Variants in ADAM2 observed in about 807,000 individuals in gnomAD.
The protein encoded by ADAM2 is ADAM metallopeptidase domain 2.
Under a neutral mutation model 99.3 loss-of-function variants are expected in ADAM2, and 101 were observed. That is an observed-to-expected ratio of 1.02 (90% CI 0.87 to 1.20). The LOEUF (loss-of-function observed/expected upper bound fraction) is 1.20, where lower values mean the gene tolerates loss of function less well. Among genes scored for constraint, ADAM2 ranks in the 50% most tolerant of loss-of-function variants. The pLI is 0.00. For synonymous variants in ADAM2, 323 were observed against 287.6 expected, an observed-to-expected ratio of 1.12 and a Z score of -1.25; for missense variants, 948 against 878.7, an observed-to-expected ratio of 1.08 and a Z score of -1.00.
chr8:39,777,203 T>G, intron 10 of ADAM2, 42 bp from the exon 11 acceptor site: 1 of 1,530,312 alleles, frequency 6.5e-7, no homozygotes, highest in Non-Finnish European at 8.9e-7. Context: ...GGAGATTATT[T>G]TGTTTACTGG....
At chr8:39,786,877 A>G (rs1803485711) in intron 10 of ADAM2, 97 bp downstream of exon 10, 1 of 892,086 alleles carries the variant, frequency 1.1e-6, no homozygotes, top group South Asian at 1.9e-5. Flanking sequence ...GATGCTTAGA[A>G]CAATGCAAAT....
intron 7 of ADAM2, among the ~76,000 whole-genome samples, chr8:39,797,289 C>A (rs1804001917): frequency 6.6e-6 from 1 of 152,196 alleles, no homozygotes; most frequent in Non-Finnish European, 1.5e-5. Flanking sequence ...TTCCCAGCAC[C>A]ATTTACTGAA....
chr8:39,768,989 A>C (rs1030277213), intron 12 of ADAM2, among the ~76,000 whole-genome samples: 2 of 152,214 alleles, frequency 1.3e-5, no homozygotes, highest in African/African-American at 4.8e-5. Flanking sequence ...ATTTTTGAAA[A>C]GCAAAAGAAA....
chr8:39,836,168 A>G (rs948568568), intron 2 of ADAM2, among the ~76,000 whole-genome samples: 6 of 152,100 alleles, frequency 3.9e-5, no homozygotes, highest in African/African-American at 1.4e-4. Flanking sequence ...CAAAATAGAC[A>G]ATTTTTTCCT....
chr8:39,769,936 TTTTTTTC>T (rs1802714623), intron 11 of ADAM2, among the ~76,000 whole-genome samples: 2 of 135,954 alleles, frequency 1.5e-5, no homozygotes, highest in African/African-American at 5.4e-5. Flanking sequence ...AGGCTTTTCT[TTTTTTTC>T]TTTTTTCTTT....
chr8:39,766,907 A>G lies in ADAM2; in HGVS notation c.1448T>C (p.Ile483Thr). ...ACTCATACAAACTCCATCTATACAG[A>G]TCCATTGATTCAGTCCACACGGATG... Reference protein sequence around the residue: ...TGHPCGLNQWICIDGVCMSGD... With the variant: ...TGHPCGLNQWTCIDGVCMSGD... The change falls in exon 14 of 21, where the codon ATC becomes ACC. Residue 483 changes from isoleucine to threonine, a missense_variant. Coordinates refer to ENST00000265708, the MANE Select transcript of ADAM2 (RefSeq NM_001464.5). 6.2e-7 allele frequency: 1 copy of G among 1,614,112 alleles called. No individual in the cohort carries two copies. Among genetic ancestry groups the G allele is most frequent in the Non-Finnish European group, 8.5e-7 (1 of 1,179,998 alleles).
At chr8:39,755,681 A>G in intron 16 of ADAM2, 47 bp downstream of exon 16, 1 of 1,471,630 alleles carries the variant, frequency 6.8e-7, no homozygotes, top group Non-Finnish European at 9.4e-7. Context: ...AAAAAAGGGC[A>G]AAGTCTAAAA....
chr8:39,750,418 C>T (rs945166949), intron 16 of ADAM2, among the ~76,000 whole-genome samples: 25 of 152,006 alleles, frequency 1.6e-4, no homozygotes, highest in Non-Finnish European at 3.2e-4. Flanking sequence ...ATATTATTGG[C>T]ATGATTGTGT....
At chr8:39,834,520 G>C (rs1157063913) in intron 2 of ADAM2, among the ~76,000 whole-genome samples, 1 of 152,004 alleles carries the variant, frequency 6.6e-6, no homozygotes, top group African/African-American at 2.4e-5. Flanking sequence ...GGATCATGAG[G>C]TCAAGATTTT....
chr8:39,769,152 G>T, intron 12 of ADAM2, among the ~76,000 whole-genome samples: 1 of 152,046 alleles, frequency 6.6e-6, no homozygotes, highest in East Asian at 1.9e-4. Flanking sequence ...AAGAAAGCTA[G>T]AATAAATAAA....
intron 7 of ADAM2, among the ~76,000 whole-genome samples, chr8:39,800,303 T>C (rs1434234515): frequency 6.6e-6 from 1 of 152,210 alleles, no homozygotes; most frequent in Non-Finnish European, 1.5e-5. Flanking sequence ...TGGCTGGATA[T>C]TAAATTCTGG....
chr8:39,772,006 C>T (rs887262325), intron 11 of ADAM2, among the ~76,000 whole-genome samples: 3 of 149,900 alleles, frequency 2.0e-5, no homozygotes, highest in Non-Finnish European at 4.4e-5. Flanking sequence ...TGCAGCACAC[C>T]GAAATGGTGC....
At chr8:39,748,291 C>T (rs1465891072) in intron 18 of ADAM2, among the ~76,000 whole-genome samples, 1 of 152,092 alleles carries the variant, frequency 6.6e-6, no homozygotes, top group Non-Finnish European at 1.5e-5. Flanking sequence ...ACCACTAAAA[C>T]CAACCTGGAA....
intron 3 of ADAM2, among the ~76,000 whole-genome samples, chr8:39,829,218 A>T (rs571900744): frequency 1.3e-5 from 2 of 152,042 alleles, no homozygotes; most frequent in East Asian, 3.9e-4. Flanking sequence ...GTAAGAAAGG[A>T]TTTCTTATAC....
chr8:39,755,597 C>T (rs1297538201), intron 16 of ADAM2, 131 bp downstream of exon 16: 8 of 620,994 alleles, frequency 1.3e-5, no homozygotes. Context: ...TCACTTGAAC[C>T]TGGGTGGCAG....
chr8:39,752,725 C>T (rs190369581), intron 16 of ADAM2, among the ~76,000 whole-genome samples: 94 of 152,156 alleles, frequency 6.2e-4, no homozygotes, highest in African/African-American at 1.0e-3. Flanking sequence ...TGAATTATGG[C>T]GGCAGGTTTT....
At chr8:39,780,606 T>C (rs962428571) in intron 10 of ADAM2, among the ~76,000 whole-genome samples, 1 of 152,160 alleles carries the variant, frequency 6.6e-6, no homozygotes, top group Non-Finnish European at 1.5e-5. Flanking sequence ...TAATAATTTA[T>C]TTTGCCTATA....
Position 39,820,123 on chromosome 8 carries a change from T to C in ADAM2, c.513+879A>G, listed in dbSNP as rs529678551. ...AGGCAAGGGTCTTGGTGACCATGTA[T>C]ATGATACTTTTGAACATTTTTGTCA... is the stretch of plus-strand genomic sequence containing the variant. On this transcript the variant is annotated intron_variant, in intron 6 of 20. Transcript: ENST00000265708. Among the ~76,000 whole-genome samples, 128 of 152,300 alleles carry C rather than the reference T, an allele frequency of 8.4e-4. 1 individual carries two copies. The highest frequency in any genetic ancestry group is 3.0e-3 in the African/African-American group (125 of 41,570).
At chr8:39,837,234 T>C (rs753100351) in intron 1 of ADAM2, 22 bp from the exon 2 acceptor site, 11 of 1,553,780 alleles carry the variant, frequency 7.1e-6, no homozygotes, top group Non-Finnish European at 1.8e-6. Flanking sequence ...GCAAAATGTT[T>C]TATTAGAACA....
Sources: allele counts gnomAD v4.1 joint callset (sites outside exome capture counted in the v4.1 genomes callset), GRCh38; gene constraint gnomAD v4.1.1; transcripts MANE v1.5; gene names NCBI Gene and HGNC (gene_info 2026-07-23, HGNC 2026-07-21).